Variants in XNDC1N observed in about 807,000 individuals in gnomAD.
XNDC1N encodes XRCC1 N-terminal domain containing 1, N-terminal like.
chr11:71,898,974 T>C, the XNDC1N span, among the ~76,000 whole-genome samples: 1 of 152,196 alleles, frequency 6.6e-6, no homozygotes, highest in Non-Finnish European at 1.5e-5. Flanking sequence ...GTTGGATGTT[T>C]AAAAAGAAAA....
the XNDC1N span, chr11:71,916,397 T>C: frequency 1.6e-6 from 1 of 609,606 alleles, no homozygotes; most frequent in East Asian, 2.7e-5. Context: ...AATGTCCCCT[T>C]AGGCTTGGGT....
the XNDC1N span, among the ~76,000 whole-genome samples, chr11:71,909,890 G>A: frequency 6.6e-6 from 1 of 152,150 alleles, no homozygotes; most frequent in Non-Finnish European, 1.5e-5. Flanking sequence ...CCCGGAATGG[G>A]AGTCATTATG....
At chr11:71,882,970 AG>A in the XNDC1N span, among the ~76,000 whole-genome samples, 1 of 152,196 alleles carries the variant, frequency 6.6e-6, no homozygotes, top group African/African-American at 2.4e-5. Flanking sequence ...GCAACTGGAA[AG>A]CAAGTAAAGA....
the XNDC1N span, among the ~76,000 whole-genome samples, chr11:71,890,412 C>T: frequency 6.6e-6 from 1 of 152,112 alleles, no homozygotes; most frequent in East Asian, 1.9e-4. Context: ...GGAGTGATAT[C>T]ATCCTCTCCC....
At chr11:71,899,841 G>T in the XNDC1N span, among the ~76,000 whole-genome samples, 520 of 152,330 alleles carry the variant, frequency 3.4e-3, no homozygotes, top group Non-Finnish European at 5.9e-3. Flanking sequence ...AAAGAGGAAA[G>T]CCTCTTGCAG....
the XNDC1N span, among the ~76,000 whole-genome samples, chr11:71,888,117 T>A: frequency 1.3e-5 from 2 of 152,094 alleles, no homozygotes; most frequent in Admixed American, 1.3e-4. Flanking sequence ...CCCACGGCAG[T>A]TGGGTGTGCC....
the XNDC1N span, among the ~76,000 whole-genome samples, chr11:71,888,867 CCA>C: frequency 6.6e-6 from 1 of 152,236 alleles, no homozygotes; most frequent in African/African-American, 2.4e-5. Flanking sequence ...CTCCACCCCG[CCA>C]CCTTGCTCCC....
chr11:71,885,174 C>G, the XNDC1N span, among the ~76,000 whole-genome samples: 6 of 150,982 alleles, frequency 4.0e-5, no homozygotes, highest in African/African-American at 1.5e-4. Context: ...ATATTAAGAA[C>G]AGTATCAAAG....
chr11:71,916,136 G>A, the XNDC1N span: 2 of 702,924 alleles, frequency 2.8e-6, no homozygotes, highest in East Asian at 2.7e-5. Flanking sequence ...AAGGAGTCCA[G>A]AGAAGAACAC....
chr11:71,869,062 A>G, the XNDC1N span, among the ~76,000 whole-genome samples: 1 of 151,842 alleles, frequency 6.6e-6, no homozygotes, highest in Non-Finnish European at 1.5e-5. Flanking sequence ...TTTTTTTATT[A>G]TTATTATACT....
At chr11:71,920,600 C>T in the XNDC1N span, among the ~76,000 whole-genome samples, 4 of 152,110 alleles carry the variant, frequency 2.6e-5, no homozygotes, top group Non-Finnish European at 5.9e-5. Context: ...CCACCGTGCC[C>T]GGCCAAGATG....
chr11:71,898,640 T>C, the XNDC1N span, among the ~76,000 whole-genome samples: 2 of 152,260 alleles, frequency 1.3e-5, no homozygotes, highest in South Asian at 4.2e-4. Context: ...TATGATTCCA[T>C]TTATCTATTA....
At chr11:71,879,876 A>G in the XNDC1N span, among the ~76,000 whole-genome samples, 2 of 152,176 alleles carry the variant, frequency 1.3e-5, no homozygotes, top group Non-Finnish European at 2.9e-5. Flanking sequence ...TTCATTTAGC[A>G]TAATGTTTTC....
chr11:71,878,460 T>C, the XNDC1N span: 3 of 1,611,796 alleles, frequency 1.9e-6, no homozygotes, highest in East Asian at 2.2e-5. Flanking sequence ...ACCATGAGGG[T>C]CTTGTTTTTT....
chr11:71,878,031 C>A, the XNDC1N span, among the ~76,000 whole-genome samples: 1 of 152,342 alleles, frequency 6.6e-6, no homozygotes, highest in East Asian at 1.9e-4. Flanking sequence ...AGCATGCTAA[C>A]ACACGGTGCC....
chr11:71,918,868 G>A, the XNDC1N span: 1 of 701,886 alleles, frequency 1.4e-6, no homozygotes, highest in African/African-American at 1.7e-5. Context: ...AAGGTTCCTA[G>A]GCCACAGAGA....
the XNDC1N span, chr11:71,917,508 G>A: frequency 1.4e-6 from 1 of 696,528 alleles, no homozygotes; most frequent in Non-Finnish European, 2.6e-6. Flanking sequence ...TTAAACCCCT[G>A]CACAGGCTCC....
chr11:71,919,726 T>C, the XNDC1N span, among the ~76,000 whole-genome samples: 1 of 143,372 alleles, frequency 7.0e-6, no homozygotes, highest in Non-Finnish European at 1.5e-5. Flanking sequence ...CACACCATTC[T>C]CCTGCCTCAG....
the XNDC1N span, among the ~76,000 whole-genome samples, chr11:71,897,470 C>G: frequency 1.3e-5 from 2 of 152,152 alleles, no homozygotes; most frequent in African/African-American, 4.8e-5. Context: ...CAATAAGCAT[C>G]TAAGGTGATG....
Sources: allele counts gnomAD v4.1 joint callset (sites outside exome capture counted in the v4.1 genomes callset), GRCh38; gene constraint gnomAD v4.1.1; transcripts MANE v1.5; gene names NCBI Gene and HGNC (gene_info 2026-07-23, HGNC 2026-07-21).